The following STARD9 variants were observed in gnomAD, a reference collection of about 807,000 sequenced individuals.
The protein encoded by STARD9 is StAR related lipid transfer domain containing 9.
In STARD9, 346 loss-of-function variants were observed where a neutral mutation model predicts 399.8. The ratio of observed to expected loss-of-function variants is 0.87; its 90% CI spans 0.79 to 0.95. STARD9 has a LOEUF of 0.95. STARD9 is among the 40% of genes least tolerant of loss of function. The pLI is 0.00. For missense variants in STARD9, 5,832 were observed against 5,667.5 expected (o/e 1.03, Z -0.93); for synonymous variants, 2,203 against 2,143.5 (o/e 1.03, Z -0.77).
At chr15:42,597,424 G>T (rs1341491528) in intron 3 of STARD9, among the ~76,000 whole-genome samples, 1 of 152,200 alleles carries the variant, frequency 6.6e-6, no homozygotes, top group East Asian at 1.9e-4. Flanking sequence ...CTGGAGTGCA[G>T]TGGTGCGGTC....
At position 42,687,622 on chromosome 15, in the gene STARD9, G is replaced by C. The variant is rs890575892; in HGVS notation, c.6044G>C (p.Arg2015Thr). The change falls in exon 23 of 33, where the codon AGA (arginine) becomes ACA (threonine). Residue 2015 changes from arginine (R) to threonine (T), a missense_variant. Physicochemically the swap from Arg to Thr is moderately conservative, Grantham distance 71. Coordinates refer to ENST00000290607, the MANE Select transcript of STARD9 (RefSeq NM_020759.3). ...CAGTTAGTTGCATGCCCTCAGGAAAGAAACCCCAGTGAATGCAAGTCACAA... is the reference window on the plus strand; with the variant it reads ...CAGTTAGTTGCATGCCCTCAGGAAACAAACCCCAGTGAATGCAAGTCACAA... The part of the protein sequence containing the change: ...RFQLVACPQE[R>T]NPSECKSQEM... 6.5e-7 allele frequency: 1 copy of C among 1,537,112 alleles called. No individual in the cohort carries two copies. The highest frequency in any genetic ancestry group is 8.7e-7 in the Non-Finnish European group (1 of 1,146,920).
In STARD9 at chr15:42,661,239, T is replaced by G. The variant is rs546222139; in HGVS notation, c.770+14T>G. On this transcript the variant is annotated intron_variant, in intron 10 of 32. Transcript: ENST00000290607. Reference sequence around the variant, plus strand: ...CCTAGCAGGCAGGTAATTAGGATTTTAAAGCTAAGGGGAATTACTCTTGTT... The same window carrying G: ...CCTAGCAGGCAGGTAATTAGGATTTGAAAGCTAAGGGGAATTACTCTTGTT... 1 of 1,520,734 alleles carries G rather than the reference T, an allele frequency of 6.6e-7. No homozygotes were observed. The highest frequency in any genetic ancestry group is 1.4e-5 in the African/African-American group (1 of 72,860). 94.2% of individuals were successfully genotyped at this position (1,520,734 alleles called of 1,614,324 possible).
intron 31 of STARD9, 60 bp downstream of exon 31, chr15:42,718,574 A>G (rs1388737230): frequency 6.7e-7 from 1 of 1,497,050 alleles, no homozygotes; most frequent in Non-Finnish European, 9.0e-7. Context: ...GTCGTGAGAA[A>G]CAATCTATGT....
rs1303158003 is a variant in STARD9 at position 42,681,402 on chromosome 15, C to T, written c.1875-20C>T. 3 of 1,531,474 alleles carry T rather than the reference C, an allele frequency of 2.0e-6. No homozygotes were observed. The highest frequency in any genetic ancestry group is 1.4e-5 in the African/African-American group (1 of 72,848). 94.9% of individuals were successfully genotyped at this position (1,531,474 alleles called of 1,614,324 possible). On this transcript the variant is annotated intron_variant, in intron 20 of 32. Transcript: ENST00000290607. ...TGGTTTGCATTTCCCCTTGGGTAAC[C>T]TCAGCCGCTTCTGTGACAGGAGAGC...
chr15:42,715,118 C>A (rs966338149), intron 26 of STARD9, among the ~76,000 whole-genome samples: 24 of 150,130 alleles, frequency 1.6e-4, no homozygotes, highest in Admixed American at 4.6e-4. Context: ...GAAGCCGGGG[C>A]CTCTGGAAGT....
At chr15:42,583,173 G>A (rs2058208835) in intron 1 of STARD9, among the ~76,000 whole-genome samples, 173 bp from the exon 2 acceptor site, 1 of 152,198 alleles carries the variant, frequency 6.6e-6, no homozygotes, top group African/African-American at 2.4e-5. Context: ...ATCCAGGGAA[G>A]CATGCCAGCT....
chr15:42,644,997 G>T (rs2059619987), intron 7 of STARD9, among the ~76,000 whole-genome samples: 1 of 152,110 alleles, frequency 6.6e-6, no homozygotes, highest in South Asian at 2.1e-4. Context: ...CACATCTTCA[G>T]GCTCCACTTC....
chr15:42,716,898 A>G (rs955327708), intron 27 of STARD9, 29 bp from the exon 28 acceptor site: 1 of 1,536,870 alleles, frequency 6.5e-7, no homozygotes, highest in African/African-American at 1.4e-5. Flanking sequence ...GTTCAGTGCT[A>G]TCACAGGGCC....
intron 3 of STARD9, among the ~76,000 whole-genome samples, chr15:42,619,930 C>T (rs554347052): frequency 9.9e-5 from 15 of 152,148 alleles, no homozygotes; most frequent in East Asian, 5.8e-4. Flanking sequence ...GTTGAATAAA[C>T]GAGAGGCCTT....
chr15:42,649,862 CTTT>C (rs765573235), intron 7 of STARD9, among the ~76,000 whole-genome samples: 3 of 107,222 alleles, frequency 2.8e-5, no homozygotes, highest in Admixed American at 9.6e-5. Context: ...CGAGCCTGGC[CTTT>C]TTTTTTTTTT....
At chr15:42,675,581 T>C (rs1351157716) in intron 18 of STARD9, 83 bp from the exon 19 acceptor site, 1 of 1,058,810 alleles carries the variant, frequency 9.4e-7, no homozygotes, top group Non-Finnish European at 1.4e-6. Context: ...CATGACTTTG[T>C]CTCACAGAGC....
chr15:42,617,032 T>C (rs1222520031), intron 3 of STARD9, among the ~76,000 whole-genome samples: 1 of 152,206 alleles, frequency 6.6e-6, no homozygotes, highest in East Asian at 1.9e-4. Context: ...AGTTAAGTGT[T>C]ATTAGCTATA....
Position 42,685,971 on chromosome 15 carries a change from G to A in STARD9, c.4393G>A (p.Val1465Met), listed in dbSNP as rs544191740. The A allele has an allele frequency of 6.2e-5, 96 of 1,537,262 alleles. No individual in the cohort carries two copies. Among genetic ancestry groups the A allele is most frequent in the Middle Eastern group, 3.3e-4 (2 of 5,990 alleles). ...ATCCCACAATTCTAGCGTATCAAAC[G>A]TGCTGGCTGCCTCTGCCACCACCTT... ...EASHNSSVSN[V>M]LAASATTLTH... is the part of the protein sequence containing the mutation. Residue 1465 changes from valine to methionine, a missense_variant, in exon 23 of 33, where the codon GTG (valine) becomes ATG (methionine). Physicochemically the swap from Val to Met is conservative, Grantham distance 21. Transcript: ENST00000290607.
intron 20 of STARD9, among the ~76,000 whole-genome samples, chr15:42,680,797 T>C (rs745828034): frequency 8.5e-5 from 13 of 152,318 alleles, no homozygotes; most frequent in Non-Finnish European, 1.6e-4. Context: ...TTGAAAGGTG[T>C]GGTAGAGTCT....
intron 3 of STARD9, among the ~76,000 whole-genome samples, chr15:42,597,998 A>ATGTG (rs770352086): frequency 0.082 from 9,174 of 112,284 alleles, 492 homozygotes; most frequent in East Asian, 0.15. Flanking sequence ...TTGTATATAT[A>ATGTG]TATGTGTGTG....
At chr15:42,656,774 G>A (rs553318478) in intron 9 of STARD9, among the ~76,000 whole-genome samples, 3 of 152,036 alleles carry the variant, frequency 2.0e-5, no homozygotes, top group Non-Finnish European at 4.4e-5. Flanking sequence ...TAAACTATGA[G>A]GACACAAAGG....
At position 42,684,447 on chromosome 15, in the gene STARD9, A is replaced by G. The variant is rs767558959; in HGVS notation, c.2869A>G (p.Asn957Asp). Residue 957 changes from asparagine to aspartate, a missense_variant, in exon 23 of 33, where the codon AAC becomes GAC. This residue lies in a region of STARD9 where 5,828 missense variants were observed against 5,651.1 expected (regional missense o/e 1.03). Coordinates refer to ENST00000290607, the MANE Select transcript of STARD9 (RefSeq NM_020759.3). ...CTTAGCATCTCTGAGGAAATCAGCT[A>G]ACAAACTAAAGCCAAGGCATGAGCC... ...QGLASLRKSA[N>D]KLKPRHEPKI... The G allele has an allele frequency of 4.8e-5, 74 of 1,537,246 alleles. No individual in the cohort carries two copies. Among genetic ancestry groups the G allele is most frequent in the Non-Finnish European group, 6.3e-5 (72 of 1,146,918 alleles).
In STARD9 at chr15:42,687,673, CT is replaced by C. The variant is rs867246943; in HGVS notation, c.6097del (p.Ser2033LeufsTer18). On this transcript the variant is annotated frameshift_variant, in exon 23 of 33. Transcript: ENST00000290607. LOFTEE classifies it high-confidence loss of function. ...SQEMLNPNRE[P>X]SGKKQNKRVN... is the part of the protein sequence containing the mutation. Reference sequence around the variant, plus strand: ...GAAATGTTAAATCCCAACAGAGAACCTTCTGGAAAGAAACAGAATAAAAGAG... The same window carrying C: ...GAAATGTTAAATCCCAACAGAGAACCTCTGGAAAGAAACAGAATAAAAGAG... The C allele has an allele frequency of 6.5e-7, 1 of 1,536,932 alleles. No individual in the cohort carries two copies. The highest frequency in any genetic ancestry group is 1.4e-5 in the African/African-American group (1 of 73,030).
chr15:42,688,365 A>C lies in STARD9; in HGVS notation c.6787A>C (p.Ser2263Arg), dbSNP rs1055471628. 1.3e-6 allele frequency: 2 copies of C among 1,536,740 alleles called. No individual in the cohort carries two copies. Among genetic ancestry groups the C allele is most frequent in the Non-Finnish European group, 8.7e-7 (1 of 1,146,972 alleles). Residue 2263 changes from serine to arginine, a missense_variant, in exon 23 of 33, where the codon AGT becomes CGT. Around this residue, in one of 2 missense-constraint regions of STARD9, gnomAD observed 5,828 missense variants for 5,651.1 expected, o/e 1.03. Coordinates refer to ENST00000290607, the MANE Select transcript of STARD9 (RefSeq NM_020759.3). ...AAGCCAAGTAGCTGAACACGTAAGTAGTTCCAACCAAGAAGAGCCAAAAGC... is the reference window on the plus strand; with the variant it reads ...AAGCCAAGTAGCTGAACACGTAAGTCGTTCCAACCAAGAAGAGCCAAAAGC... The part of the protein sequence containing the change: ...QESQVAEHVS[S>R]SNQEEPKAQG...
Sources: allele counts gnomAD v4.1 joint callset (sites outside exome capture counted in the v4.1 genomes callset), GRCh38; gene constraint gnomAD v4.1.1; regional missense constraint gnomAD v4.1.1; transcripts MANE v1.5; gene names NCBI Gene and HGNC (gene_info 2026-07-23, HGNC 2026-07-21).